The following CNTNAP2 variants were observed in gnomAD, a reference collection of about 807,000 sequenced individuals.
CNTNAP2 encodes the protein contactin-associated protein-like 2.
CNTNAP2 carries 98 observed loss-of-function variants against 155.2 expected under a neutral mutation model. The ratio of observed to expected loss-of-function variants is 0.63; its 90% CI spans 0.54 to 0.75. The LOEUF (loss-of-function observed/expected upper bound fraction) is 0.75, where lower values mean the gene tolerates loss of function less well. Ranked by LOEUF, CNTNAP2 falls within the 30% of genes least tolerant of loss-of-function variation. The pLI, the probability that CNTNAP2 is intolerant of heterozygous loss-of-function variation, is 0.00. For synonymous variants in CNTNAP2, 651 were observed against 631.2 expected (o/e 1.03, Z -0.47); for missense variants, 1,727 against 1,688.1 (o/e 1.02, Z -0.40).
intron 1 of CNTNAP2, among the ~76,000 whole-genome samples, chr7:146,233,253 G>T (rs550728313): frequency 1.3e-5 from 2 of 152,156 alleles, no homozygotes; most frequent in Admixed American, 1.3e-4. Flanking sequence ...TTCCATAAAG[G>T]ATTGATCAAA....
At chr7:147,826,160 G>C (rs1798446841) in intron 13 of CNTNAP2, among the ~76,000 whole-genome samples, 1 of 152,138 alleles carries the variant, frequency 6.6e-6, no homozygotes, top group Non-Finnish European at 1.5e-5. Flanking sequence ...TGTGAAGGAT[G>C]AGTTTAGAGA....
chr7:148,306,420 A>T (rs1797493839), intron 21 of CNTNAP2, among the ~76,000 whole-genome samples: 1 of 152,114 alleles, frequency 6.6e-6, no homozygotes, highest in Admixed American at 6.5e-5. Flanking sequence ...TCTTCCCAGA[A>T]TTTGTTATTC....
intron 4 of CNTNAP2, among the ~76,000 whole-genome samples, chr7:147,059,433 AT>A (rs11365544): frequency 0.44 from 61,847 of 139,578 alleles, 13,336 homozygotes; most frequent in Non-Finnish European, 0.52. Flanking sequence ...GATAATTCTG[AT>A]TTTTTTTTTT....
Position 147,973,160 on chromosome 7 carries a change from T to TAAAAAAAAAAAAAAAAAA in CNTNAP2, c.2256-4698_2256-4681dup, listed in dbSNP as rs35756000. ...CAGAGCAAGACCCTGTCTCTAAAAT[T>TAAAAAAAAAAAAAAAAAA]AAAAAAAAAAAAAAAAAAAAAGTAG... is the stretch of plus-strand genomic sequence containing the variant. On this transcript the variant is annotated intron_variant, in intron 14 of 23. Coordinates refer to ENST00000361727, the MANE Select transcript of CNTNAP2 (RefSeq NM_014141.6). Among the ~76,000 whole-genome samples the TAAAAAAAAAAAAAAAAAA allele has an allele frequency of 4.2e-4, 51 of 120,820 alleles. 1 individual carries two copies. Among genetic ancestry groups the TAAAAAAAAAAAAAAAAAA allele is most frequent in the African/African-American group, 1.4e-3 (41 of 28,932 alleles). The allele number at this position is 120,820 out of a possible 152,430, so 79.3% of individuals were successfully genotyped here.
chr7:146,440,889 G>A (rs1016929518), intron 1 of CNTNAP2, among the ~76,000 whole-genome samples: 2 of 151,580 alleles, frequency 1.3e-5, no homozygotes, highest in Admixed American at 1.3e-4. Flanking sequence ...GGAGATGTTA[G>A]TTCAGTGAAG....
At chr7:148,265,896 C>T (rs1796659392) in intron 20 of CNTNAP2, among the ~76,000 whole-genome samples, 1 of 152,174 alleles carries the variant, frequency 6.6e-6, no homozygotes, top group Non-Finnish European at 1.5e-5. Context: ...GCCATTTGAT[C>T]ACTTGCCTGC....
At chr7:146,188,079 G>T (rs981853737) in intron 1 of CNTNAP2, among the ~76,000 whole-genome samples, 3 of 152,098 alleles carry the variant, frequency 2.0e-5, no homozygotes, top group South Asian at 2.1e-4. Flanking sequence ...TATCACAATA[G>T]AATATGTAAT....
chr7:147,382,396 T>C (rs1232704176), intron 9 of CNTNAP2, among the ~76,000 whole-genome samples: 2 of 152,134 alleles, frequency 1.3e-5, no homozygotes, highest in Admixed American at 1.3e-4. Flanking sequence ...TATGATATGA[T>C]TGTGCATTTT....
chr7:146,353,260 T>C (rs1449171040), intron 1 of CNTNAP2, among the ~76,000 whole-genome samples: 2 of 152,198 alleles, frequency 1.3e-5, no homozygotes, highest in Non-Finnish European at 2.9e-5. Context: ...TCCTCATCTT[T>C]CTTGACTCAA....
intron 3 of CNTNAP2, among the ~76,000 whole-genome samples, chr7:147,018,458 A>G (rs949278762): frequency 1.3e-5 from 2 of 152,082 alleles, no homozygotes; most frequent in African/African-American, 4.8e-5. Flanking sequence ...TGCATAAATT[A>G]CTAGGGTCTT....
At chr7:148,213,188 G>A (rs78457566) in intron 18 of CNTNAP2, among the ~76,000 whole-genome samples, 11,077 of 152,140 alleles carry the variant, frequency 0.073, 720 homozygotes, top group African/African-American at 0.17. Context: ...ATCACCTGGG[G>A]ACCTGCGAAA....
At chr7:147,355,427 G>A (rs1456033256) in intron 9 of CNTNAP2, among the ~76,000 whole-genome samples, 13 of 151,734 alleles carry the variant, frequency 8.6e-5, no homozygotes, top group Non-Finnish European at 7.4e-5. Context: ...CAGAAGACAA[G>A]AAATAACTAA....
At chr7:146,762,333 G>T (rs1205476505) in intron 1 of CNTNAP2, among the ~76,000 whole-genome samples, 5 of 151,278 alleles carry the variant, frequency 3.3e-5, no homozygotes. Context: ...AGGTGTGGTG[G>T]CTCACACCTG....
Position 148,418,682 on chromosome 7 carries a change from G to A in CNTNAP2, c.*3066G>A, listed in dbSNP as rs1471816711. On this transcript the variant is annotated 3_prime_UTR_variant, in exon 24 of 24. Coordinates refer to ENST00000361727, the MANE Select transcript of CNTNAP2 (RefSeq NM_014141.6). ...CTATTTTGTTGTTAAATTATTTTCT[G>A]GCCCTTCTTAATATTTAAAAATGTA... 6.6e-6 allele frequency: 1 copy of A among 152,138 alleles called. No homozygotes were observed. The highest frequency in any genetic ancestry group is 1.5e-5 in the Non-Finnish European group (1 of 68,020). 9.4% of individuals were successfully genotyped at this position (152,138 alleles called of 1,614,324 possible). A position where few individuals can be genotyped will look rare whatever the true frequency, so the allele number is the denominator to read the frequency against.
At chr7:148,222,097 G>C (rs1795756878) in intron 19 of CNTNAP2, among the ~76,000 whole-genome samples, 1 of 152,162 alleles carries the variant, frequency 6.6e-6, no homozygotes, top group South Asian at 2.1e-4. Context: ...CCCATCTGTA[G>C]GACAGCCGTG....
chr7:147,548,843 G>A (rs1396909060), intron 11 of CNTNAP2, among the ~76,000 whole-genome samples: 1 of 152,064 alleles, frequency 6.6e-6, no homozygotes, highest in Non-Finnish European at 1.5e-5. Flanking sequence ...ATTTTCCCAG[G>A]ACCATTTACT....
intron 3 of CNTNAP2, among the ~76,000 whole-genome samples, chr7:146,841,226 A>G (rs1014842132): frequency 1.3e-5 from 2 of 152,218 alleles, no homozygotes; most frequent in African/African-American, 2.4e-5. Flanking sequence ...CACCGAATAC[A>G]TAGTTTAGAT....
chr7:148,232,467 G>A (rs1019987391), intron 20 of CNTNAP2, among the ~76,000 whole-genome samples: 2 of 152,188 alleles, frequency 1.3e-5, no homozygotes, highest in African/African-American at 4.8e-5. Flanking sequence ...TCAATGGTTT[G>A]ATTTCCTCTA....
chr7:146,621,617 A>G (rs1157784362), intron 1 of CNTNAP2, among the ~76,000 whole-genome samples: 3 of 152,184 alleles, frequency 2.0e-5, no homozygotes, highest in African/African-American at 7.2e-5. Context: ...TATAGGTTTT[A>G]GAGAAGAAGA....
Sources: gnomAD v4.1 joint callset for allele counts (sites outside exome capture counted in the v4.1 genomes callset) on GRCh38, gnomAD v4.1.1 for gene constraint, MANE v1.5 for transcripts, NCBI Gene and HGNC (gene_info 2026-07-23, HGNC 2026-07-21) for gene names.